The following SLC2A9 variants were observed in gnomAD, a reference collection of about 807,000 sequenced individuals.
The protein encoded by SLC2A9 is solute carrier family 2, facilitated glucose transporter member 9.
A neutral mutation model predicts 50.6 loss-of-function variants in SLC2A9; 39 were observed. The ratio of observed to expected loss-of-function variants is 0.77; its 90% CI spans 0.60 to 1.01. SLC2A9 has a LOEUF of 1.01. Among genes scored for constraint, SLC2A9 ranks in the 50% least tolerant of loss-of-function variants. SLC2A9 has a pLI of 0.00. For missense variants in SLC2A9, 686 were observed against 677.6 expected, an observed-to-expected ratio of 1.01 and a Z score of -0.14; for synonymous variants, 324 against 276.9, an observed-to-expected ratio of 1.17 and a Z score of -1.69.
chr4:9,781,301 C>A lies in SLC2A9; in HGVS notation n.386-1236G>T, dbSNP rs138430132. Among the ~76,000 whole-genome samples the A allele has an allele frequency of 3.3e-3, 503 of 152,346 alleles. 4 individuals are homozygous for A. The highest frequency in any genetic ancestry group is 0.011 in the African/African-American group (476 of 41,578). The stretch of plus-strand genomic sequence containing the variant: ...ACTCGGGTCTGTGGGTAATCCAAGG[C>A]TGCCCCGCTTACCCTTCAAATGCTC... On this transcript the variant is annotated intron_variant and non_coding_transcript_variant, in intron 3 of 3. Coordinates refer to the SLC2A9 transcript ENST00000503803.
At chr4:9,818,368 T>A (rs557399380) in intron 3 of SLC2A9, among the ~76,000 whole-genome samples, 2 of 152,266 alleles carry the variant, frequency 1.3e-5, no homozygotes, top group Admixed American at 1.3e-4. Flanking sequence ...CGAAGAAAAA[T>A]TTCACTGGAC....
chr4:9,782,867 C>A, intron 3 of SLC2A9: 1 of 1,613,482 alleles, frequency 6.2e-7, no homozygotes, highest in Non-Finnish European at 8.5e-7. Context: ...AGCCTGCGCG[C>A]CCGACACCAG....
At chr4:10,031,780 G>C (rs1450208310) in intron 1 of SLC2A9, among the ~76,000 whole-genome samples, 1 of 152,208 alleles carries the variant, frequency 6.6e-6, no homozygotes, top group Non-Finnish European at 1.5e-5. Context: ...GGAGAAGGAT[G>C]TCCCATGTCC....
At chr4:9,875,580 C>T (rs148067906) in intron 10 of SLC2A9, among the ~76,000 whole-genome samples, 1 of 152,200 alleles carries the variant, frequency 6.6e-6, no homozygotes, top group Admixed American at 6.5e-5. Flanking sequence ...TGGGACCTGC[C>T]TTTAGCTTAG....
chr4:10,007,844 A>G (rs1761066466), intron 2 of SLC2A9, among the ~76,000 whole-genome samples: 1 of 152,220 alleles, frequency 6.6e-6, no homozygotes, highest in African/African-American at 2.4e-5. Context: ...ATTCTGGAAT[A>G]ACTCATTTAT....
intron 1 of SLC2A9, among the ~76,000 whole-genome samples, chr4:10,030,261 G>A (rs1763896452): frequency 6.6e-6 from 1 of 152,148 alleles, no homozygotes; most frequent in Non-Finnish European, 1.5e-5. Context: ...GGATGAGTTA[G>A]CTTGATGGAA....
At chr4:10,005,203 C>T (rs78963587) in intron 2 of SLC2A9, among the ~76,000 whole-genome samples, 9,771 of 152,246 alleles carry the variant, frequency 0.064, 619 homozygotes, top group African/African-American at 0.16. Flanking sequence ...CCAAGAAAGG[C>T]TGTGGAATCC....
intron 3 of SLC2A9, among the ~76,000 whole-genome samples, chr4:9,810,844 T>C (rs1722788054): frequency 6.6e-6 from 1 of 152,258 alleles, no homozygotes; most frequent in African/African-American, 2.4e-5. Context: ...GAAGGGCCAG[T>C]GGGCAATGCC....
upstream of SLC2A9, among the ~76,000 whole-genome samples, chr4:10,022,699 G>A (rs1018004314): frequency 2.6e-5 from 4 of 152,168 alleles, no homozygotes; most frequent in African/African-American, 9.7e-5. Flanking sequence ...AGCAAAGTAC[G>A]TTTAGTAAAA....
chr4:9,952,113 C>T (rs1481257303), intron 5 of SLC2A9, among the ~76,000 whole-genome samples: 6 of 152,242 alleles, frequency 3.9e-5, no homozygotes, highest in Non-Finnish European at 5.9e-5. Flanking sequence ...AACCACTTCA[C>T]CCCTCTACTC....
chr4:9,941,644 G>A (rs1382878011), intron 6 of SLC2A9, among the ~76,000 whole-genome samples: 2 of 152,226 alleles, frequency 1.3e-5, no homozygotes. Context: ...CTGCACAGAA[G>A]TGAGGGAACC....
chr4:9,782,891 A>G (rs1471641335), intron 3 of SLC2A9: 1 of 1,613,978 alleles, frequency 6.2e-7, no homozygotes, highest in East Asian at 2.2e-5. Flanking sequence ...GCGCGCTTCC[A>G]TCAAGAAGGA....
At chr4:9,919,072 C>T (rs1033991644) in intron 7 of SLC2A9, among the ~76,000 whole-genome samples, 27 of 152,114 alleles carry the variant, frequency 1.8e-4, no homozygotes, top group African/African-American at 6.5e-4. Context: ...AGTGTAAATG[C>T]CTCATTCACT....
intron 3 of SLC2A9, among the ~76,000 whole-genome samples, chr4:9,805,749 T>G (rs1560135209): frequency 1.3e-5 from 2 of 149,472 alleles, no homozygotes; most frequent in Non-Finnish European, 1.5e-5. Flanking sequence ...TAAAGAAGCA[T>G]CCACTCTATC....
chr4:9,782,239 C>A, intron 3 of SLC2A9: 2 of 1,613,444 alleles, frequency 1.2e-6, no homozygotes, highest in Non-Finnish European at 1.7e-6. Context: ...GGAGCCGCCA[C>A]CTGCGCGCCA....
chr4:9,930,832 C>G (rs1414496387), intron 6 of SLC2A9, among the ~76,000 whole-genome samples: 2 of 152,104 alleles, frequency 1.3e-5, no homozygotes, highest in Non-Finnish European at 2.9e-5. Flanking sequence ...GTTCCCCATC[C>G]CTGAAGGTGT....
intron 10 of SLC2A9, among the ~76,000 whole-genome samples, chr4:9,843,570 T>C (rs1480072573): frequency 1.3e-5 from 2 of 152,148 alleles, no homozygotes; most frequent in African/African-American, 4.8e-5. Context: ...GGTTAGAGTC[T>C]TGGCTCTGCC....
chr4:9,780,398 C>T (rs1225327605), intron 3 of SLC2A9, among the ~76,000 whole-genome samples: 1 of 152,070 alleles, frequency 6.6e-6, no homozygotes, highest in African/African-American at 2.4e-5. Context: ...GGCACCTGGA[C>T]AGATGGTCTT....
chr4:9,962,317 G>A (rs780541565), intron 5 of SLC2A9, among the ~76,000 whole-genome samples: 3 of 152,150 alleles, frequency 2.0e-5, no homozygotes, highest in South Asian at 2.1e-4. Context: ...GGAATTAACC[G>A]AAATGCCTGT....
Sources: gnomAD v4.1 joint callset for allele counts (sites outside exome capture counted in the v4.1 genomes callset) on GRCh38, gnomAD v4.1.1 for gene constraint, MANE v1.5 for transcripts, NCBI Gene and HGNC (gene_info 2026-07-23, HGNC 2026-07-21) for gene names.